Variants in SLC9A9 observed in about 807,000 individuals in gnomAD.
SLC9A9 encodes the protein sodium/hydrogen exchanger 9.
SLC9A9 carries 62 observed loss-of-function variants against 77.8 expected under a neutral mutation model. The ratio of observed to expected loss-of-function variants is 0.80; its 90% CI spans 0.65 to 0.98. SLC9A9 has a LOEUF of 0.98. SLC9A9 is among the 50% of genes least tolerant of loss of function. SLC9A9 has a pLI of 0.00. For synonymous variants in SLC9A9, 320 were observed against 283.5 expected (o/e 1.13, Z -1.29); for missense variants, 775 against 774.9 (o/e 1.00, Z 0.00).
chr3:143,291,830 T>G (rs972397007), intron 14 of SLC9A9, among the ~76,000 whole-genome samples: 1 of 152,222 alleles, frequency 6.6e-6, no homozygotes, highest in African/African-American at 2.4e-5. Context: ...AATTTCCTCC[T>G]TTTCCAATGT....
At chr3:143,815,938 G>C (rs940003274) in intron 2 of SLC9A9, among the ~76,000 whole-genome samples, 1 of 152,142 alleles carries the variant, frequency 6.6e-6, no homozygotes, top group Non-Finnish European at 1.5e-5. Flanking sequence ...CAGAGAGATC[G>C]AGAGACATGT....
At chr3:143,452,927 G>A (rs1232213383) in intron 12 of SLC9A9, among the ~76,000 whole-genome samples, 1 of 152,104 alleles carries the variant, frequency 6.6e-6, no homozygotes, top group African/African-American at 2.4e-5. Context: ...AGCATGTGAT[G>A]ACTATTCTCA....
intron 14 of SLC9A9, among the ~76,000 whole-genome samples, chr3:143,284,038 CTTT>C (rs112727941): frequency 1.4e-5 from 2 of 142,856 alleles, no homozygotes; most frequent in African/African-American, 2.6e-5. Context: ...GTTCCAGGAC[CTTT>C]TTTTTTTTTT....
intron 4 of SLC9A9, among the ~76,000 whole-genome samples, chr3:143,764,964 C>CTT (rs1553790222): frequency 7.7e-6 from 1 of 129,740 alleles, no homozygotes; most frequent in African/African-American, 3.5e-5. Flanking sequence ...CTTTTTGTTT[C>CTT]TCTTTCTTTC....
At position 143,727,937 on chromosome 3, in the gene SLC9A9, A is replaced by G. The variant is rs370051942; in HGVS notation, c.534-34630T>C. ...CCAGACGCTATATAGAGTAGCTACC[A>G]TGGCCCCATGCCTATTAAGTCACAG... On this transcript the variant is annotated intron_variant, in intron 4 of 15. Coordinates refer to ENST00000316549, the MANE Select transcript of SLC9A9 (RefSeq NM_173653.4). Among the ~76,000 whole-genome samples, 14 of 152,210 alleles carry G rather than the reference A, an allele frequency of 9.2e-5. No individual in the cohort carries two copies. In the East Asian group the frequency reaches 2.3e-3, roughly 25 times the overall value.
chr3:143,384,130 C>G (rs1289859366), intron 12 of SLC9A9, among the ~76,000 whole-genome samples: 1 of 145,746 alleles, frequency 6.9e-6, no homozygotes. Context: ...TGAGGAGGAA[C>G]AAGAAGGGGA....
chr3:143,724,196 G>A lies in SLC9A9; in HGVS notation c.534-30889C>T, dbSNP rs146111877. Among the ~76,000 whole-genome samples, 314 of 152,302 alleles carry A rather than the reference G, an allele frequency of 2.1e-3. 2 individuals carry two copies. The highest frequency in any genetic ancestry group is 6.9e-3 in the African/African-American group (285 of 41,566). ...TGGATTTCTCCCATGCTGTTCTCAT[G>A]ATAGTGAGTGAGTTCTCACTAGATC... On this transcript the variant is annotated intron_variant, in intron 4 of 15. Transcript: ENST00000316549.
chr3:143,816,365 A>T (rs1354911959), intron 2 of SLC9A9, among the ~76,000 whole-genome samples: 2 of 152,042 alleles, frequency 1.3e-5, no homozygotes, highest in Non-Finnish European at 2.9e-5. Context: ...CACCACAACC[A>T]CCTAATTTTA....
At chr3:143,381,978 C>T in intron 13 of SLC9A9, 82 bp downstream of exon 13, 1 of 1,520,672 alleles carries the variant, frequency 6.6e-7, no homozygotes. Context: ...GCTCCTTGGT[C>T]ACATGCTGGA....
intron 12 of SLC9A9, among the ~76,000 whole-genome samples, chr3:143,450,904 CAA>C (rs1576506991): frequency 6.6e-6 from 1 of 152,114 alleles, no homozygotes; most frequent in African/African-American, 2.4e-5. Flanking sequence ...GCTCTCTCAA[CAA>C]AGAGAATGGT....
intron 14 of SLC9A9, among the ~76,000 whole-genome samples, chr3:143,280,259 C>G (rs952694414): frequency 6.6e-6 from 1 of 152,152 alleles, no homozygotes; most frequent in African/African-American, 2.4e-5. Context: ...TTTTAGGGAA[C>G]AAAATGAATA....
At chr3:143,385,041 A>G (rs1006205701) in intron 12 of SLC9A9, among the ~76,000 whole-genome samples, 1 of 152,172 alleles carries the variant, frequency 6.6e-6, no homozygotes, top group South Asian at 2.1e-4. Flanking sequence ...AGGACTCAGC[A>G]TTGCAACTGG....
intron 4 of SLC9A9, among the ~76,000 whole-genome samples, chr3:143,736,481 A>G (rs537402068): frequency 6.6e-6 from 1 of 152,302 alleles, no homozygotes; most frequent in Non-Finnish European, 1.5e-5. Context: ...ACCTCCTAGA[A>G]TTTATGCTCT....
At chr3:143,727,643 A>G (rs6790765) in intron 4 of SLC9A9, among the ~76,000 whole-genome samples, 1,713 of 152,288 alleles carry the variant, frequency 0.011, 38 homozygotes, top group African/African-American at 0.038. Context: ...TGGCTGGCAG[A>G]GCTCATCTTC....
chr3:143,483,056 TA>T lies in SLC9A9; in HGVS notation c.1315+10596del, dbSNP rs558479568. Among the ~76,000 whole-genome samples, 338 of 152,332 alleles carry T rather than the reference TA, an allele frequency of 2.2e-3. 1 individual carries two copies. The highest frequency in any genetic ancestry group is 5.4e-3 in the Admixed American group (83 of 15,308). On this transcript the variant is annotated intron_variant, in intron 11 of 15. Coordinates refer to ENST00000316549, the MANE Select transcript of SLC9A9 (RefSeq NM_173653.4). The stretch of plus-strand genomic sequence containing the variant: ...AAAAATGTCTCAGGGTAAGCTCCCC[TA>T]ATCAACTCTTAACTGCATTGGAGAC...
At chr3:143,791,611 C>T (rs562171651) in intron 4 of SLC9A9, among the ~76,000 whole-genome samples, 63 of 152,320 alleles carry the variant, frequency 4.1e-4, no homozygotes, top group Middle Eastern at 3.4e-3. Context: ...CTTTGCACAA[C>T]GTTCCTGGCA....
At chr3:143,723,037 A>G (rs1289222220) in intron 4 of SLC9A9, among the ~76,000 whole-genome samples, 2 of 152,074 alleles carry the variant, frequency 1.3e-5, no homozygotes, top group East Asian at 1.9e-4. Context: ...TTTCCTGACT[A>G]TAGTTTGATA....
At chr3:143,597,709 A>G (rs1202428303) in intron 6 of SLC9A9, among the ~76,000 whole-genome samples, 1 of 152,228 alleles carries the variant, frequency 6.6e-6, no homozygotes, top group East Asian at 1.9e-4. Flanking sequence ...AGATGTTGTT[A>G]ATCTCAGAAT....
At chr3:143,768,655 T>G (rs1364884461) in intron 4 of SLC9A9, among the ~76,000 whole-genome samples, 2 of 152,218 alleles carry the variant, frequency 1.3e-5, no homozygotes, top group African/African-American at 4.8e-5. Context: ...CAGTGCTATA[T>G]GCATAATAGG....
Sources: allele counts gnomAD v4.1 joint callset (sites outside exome capture counted in the v4.1 genomes callset), GRCh38; gene constraint gnomAD v4.1.1; transcripts MANE v1.5; gene names NCBI Gene and HGNC (gene_info 2026-07-23, HGNC 2026-07-21).